ROBO1: variants seen among roughly 807,000 people sequenced by gnomAD.
ROBO1 encodes roundabout homolog 1.
A neutral mutation model predicts 195.9 loss-of-function variants in ROBO1; 149 were observed. That is an observed-to-expected ratio of 0.76 (90% CI 0.67 to 0.87). The LOEUF is 0.87. Among genes scored for constraint, ROBO1 ranks in the 40% least tolerant of loss-of-function variants. ROBO1 has a pLI of 0.00. For missense variants in ROBO1, 1,933 were observed against 2,068.3 expected, an observed-to-expected ratio of 0.93 and a Z score of 1.27; for synonymous variants, 816 against 733.2, an observed-to-expected ratio of 1.11 and a Z score of -1.82.
intron 2 of ROBO1, among the ~76,000 whole-genome samples, chr3:79,386,872 G>A (rs1394380665): frequency 1.3e-5 from 2 of 151,780 alleles, no homozygotes; most frequent in Non-Finnish European, 2.9e-5. Context: ...AAGAAAAAAC[G>A]ATCCTAACTT....
chr3:79,277,490 G>A (rs2031138178), intron 2 of ROBO1, among the ~76,000 whole-genome samples: 1 of 152,066 alleles, frequency 6.6e-6, no homozygotes, highest in African/African-American at 2.4e-5. Context: ...GTGATGTGGG[G>A]AGGATGGAAG....
At chr3:79,074,266 C>T (rs2079134564) in intron 3 of ROBO1, among the ~76,000 whole-genome samples, 2 of 151,758 alleles carry the variant, frequency 1.3e-5, no homozygotes, top group Non-Finnish European at 2.9e-5. Flanking sequence ...ATGATTTTTC[C>T]CTTTGTTTCA....
chr3:78,753,927 A>C (rs189387971), intron 4 of ROBO1, among the ~76,000 whole-genome samples: 1 of 152,204 alleles, frequency 6.6e-6, no homozygotes, highest in African/African-American at 2.4e-5. Flanking sequence ...TGATAGATTT[A>C]TTTTAAAAGT....
chr3:79,649,341 T>C (rs1215270635), intron 1 of ROBO1, among the ~76,000 whole-genome samples: 1 of 152,058 alleles, frequency 6.6e-6, no homozygotes, highest in Admixed American at 6.6e-5. Context: ...TATGTCTCCA[T>C]ATACATTTGT....
At position 79,225,385 on chromosome 3, in the gene ROBO1, A is replaced by T. The variant is rs1035169832; in HGVS notation, c.89-99846T>A. On this transcript the variant is annotated intron_variant, in intron 2 of 30. Transcript: ENST00000464233. ...GATTGTCTAGTTAATGGAAAATTTT[A>T]AAAAAATATGCTAGCATAGAAACTA... Among the ~76,000 whole-genome samples the T allele has an allele frequency of 7.9e-5, 12 of 152,254 alleles. No individual in the cohort carries two copies. In the East Asian group the frequency reaches 9.7e-4, roughly 12 times the overall value.
rs59970776 is a variant in ROBO1 at position 79,208,687 on chromosome 3, ATGTGTG to A, written c.89-83154_89-83149del. Among the ~76,000 whole-genome samples the A allele has an allele frequency of 1.5e-3, 220 of 145,240 alleles. 2 individuals carry two copies. Among genetic ancestry groups the A allele is most frequent in the East Asian group, 8.6e-3 (41 of 4,788 alleles). On this transcript the variant is annotated intron_variant, in intron 2 of 30. Transcript: ENST00000464233. The stretch of plus-strand genomic sequence containing the variant: ...TTGTTGTTGGTCGTGGTGGTGGGGC[ATGTGTG>A]TGTGTGTGTGTGTGTGTGTGTGTGT...
At chr3:78,757,416 CA>C (rs1424841981) in intron 4 of ROBO1, among the ~76,000 whole-genome samples, 2 of 137,418 alleles carry the variant, frequency 1.5e-5, no homozygotes, top group Non-Finnish European at 3.1e-5. Flanking sequence ...TTCTGGGAAA[CA>C]AAGGCATGCG....
At chr3:79,655,090 A>T (rs747827312) in intron 1 of ROBO1, among the ~76,000 whole-genome samples, 4 of 152,042 alleles carry the variant, frequency 2.6e-5, no homozygotes, top group Non-Finnish European at 5.9e-5. Flanking sequence ...CAATTTTCCT[A>T]CATAATTAGT....
chr3:79,277,015 G>C (rs1017930128), intron 2 of ROBO1, among the ~76,000 whole-genome samples: 1 of 151,948 alleles, frequency 6.6e-6, no homozygotes, highest in African/African-American at 2.4e-5. Flanking sequence ...GTACACCATT[G>C]GTGAGAAAGT....
intron 2 of ROBO1, among the ~76,000 whole-genome samples, chr3:79,351,907 C>G (rs1360668865): frequency 6.6e-6 from 1 of 152,112 alleles, no homozygotes; most frequent in Non-Finnish European, 1.5e-5. Context: ...ATTTAAAGTG[C>G]AGTATGTGCA....
At chr3:79,527,546 A>C (rs1352228377) in intron 2 of ROBO1, among the ~76,000 whole-genome samples, 1 of 152,174 alleles carries the variant, frequency 6.6e-6, no homozygotes, top group Non-Finnish European at 1.5e-5. Context: ...ATCTCTAGAT[A>C]GAAAAAGAAA....
In ROBO1 at chr3:79,721,039, G is replaced by A. The variant is rs1159246231; in HGVS notation, c.-51+46713C>T. Among the ~76,000 whole-genome samples the A allele has an allele frequency of 3.9e-5, 6 of 152,090 alleles. No homozygotes were observed. The South Asian group carries it at 6.2e-4, about 16-fold the overall frequency. ...GATCTCCTGACCTCGTGATCCACCC[G>A]CCTTGGCCTCCCAAAGTGCTGGGAT... On this transcript the variant is annotated intron_variant, in intron 1 of 30. Transcript: ENST00000464233.
intron 3 of ROBO1, among the ~76,000 whole-genome samples, chr3:79,032,027 A>C (rs2078305302): frequency 6.6e-6 from 1 of 152,086 alleles, no homozygotes; most frequent in Non-Finnish European, 1.5e-5. Context: ...AAAAAAATGA[A>C]AAGGACATAT....
At chr3:79,441,038 C>G (rs1300721685) in intron 2 of ROBO1, among the ~76,000 whole-genome samples, 1 of 152,012 alleles carries the variant, frequency 6.6e-6, no homozygotes, top group Non-Finnish European at 1.5e-5. Context: ...TTTAACTAGT[C>G]ATGCTTATTT....
At chr3:78,759,240 G>A (rs1448793999) in intron 4 of ROBO1, 2 of 152,462 alleles carry the variant, frequency 1.3e-5, no homozygotes, top group Non-Finnish European at 2.9e-5. Flanking sequence ...CTAGGGAAAT[G>A]GTTGGGTATC....
chr3:79,549,874 C>G (rs1559983946), intron 2 of ROBO1, among the ~76,000 whole-genome samples: 2 of 152,028 alleles, frequency 1.3e-5, no homozygotes, highest in Non-Finnish European at 2.9e-5. Context: ...GAAAGGTGAC[C>G]TCATCTTTGG....
Position 78,651,946 on chromosome 3 carries a change from C to T in ROBO1, c.2615-17G>A, listed in dbSNP as rs374501906. 1.0e-4 allele frequency: 164 copies of T among 1,605,848 alleles called. No individual in the cohort carries two copies. The highest frequency in any genetic ancestry group is 3.6e-4 in the African/African-American group (27 of 74,732). ...CATGGGCATCTGAAAAGTCATCTTC[C>T]GATTAATTTGGGTTGAAGACTCAAT... On this transcript the variant is annotated splice_polypyrimidine_tract_variant and intron_variant, in intron 18 of 30. Transcript: ENST00000464233.
intron 2 of ROBO1, among the ~76,000 whole-genome samples, chr3:79,362,749 GA>G (rs1294980126): frequency 1.3e-5 from 2 of 151,970 alleles, no homozygotes; most frequent in African/African-American, 4.8e-5. Flanking sequence ...TCTCTTCAGG[GA>G]AAAAATCTAG....
chr3:79,591,082 C>T (rs1321859258), intron 1 of ROBO1, among the ~76,000 whole-genome samples: 2 of 151,668 alleles, frequency 1.3e-5, no homozygotes, highest in Non-Finnish European at 3.0e-5. Context: ...CAGTACTTGA[C>T]AAATTTTAGA....
Sources: gnomAD v4.1 joint callset for allele counts (sites outside exome capture counted in the v4.1 genomes callset) on GRCh38, gnomAD v4.1.1 for gene constraint, MANE v1.5 for transcripts, NCBI Gene and HGNC (gene_info 2026-07-23, HGNC 2026-07-21) for gene names.